The following MIOS variants were observed in gnomAD, a reference collection of about 807,000 sequenced individuals.
MIOS encodes the protein meiosis regulator for oocyte development.
Under a neutral mutation model 96.9 loss-of-function variants are expected in MIOS, and 52 were observed. The ratio of observed to expected loss-of-function variants is 0.54; its 90% CI spans 0.43 to 0.68. The LOEUF (loss-of-function observed/expected upper bound fraction) is 0.68. MIOS is among the 30% of genes least tolerant of loss of function. The pLI is 0.00. For missense variants in MIOS, 1,005 were observed against 1,052.8 expected, an observed-to-expected ratio of 0.95 and a Z score of 0.63; for synonymous variants, 397 against 359.5, an observed-to-expected ratio of 1.10 and a Z score of -1.18.
chr7:7,594,564 A>G (rs1005938611), intron 9 of MIOS, among the ~76,000 whole-genome samples: 42 of 152,150 alleles, frequency 2.8e-4, no homozygotes, highest in African/African-American at 9.4e-4. Flanking sequence ...CAAAGTGCTG[A>G]GATTACAGGC....
chr7:7,575,106 C>A (rs1018771694), intron 5 of MIOS, among the ~76,000 whole-genome samples: 1 of 151,988 alleles, frequency 6.6e-6, no homozygotes, highest in Non-Finnish European at 1.5e-5. Context: ...ATCTAGGATT[C>A]GTTCTCTAAC....
intron 11 of MIOS, among the ~76,000 whole-genome samples, chr7:7,604,539 C>G (rs1430255761): frequency 2.0e-5 from 3 of 152,156 alleles, no homozygotes; most frequent in Non-Finnish European, 2.9e-5. Flanking sequence ...CAGAATTTAA[C>G]TTCTGGACAA....
chr7:7,596,222 C>T (rs759868921), intron 10 of MIOS, 35 bp from the exon 11 acceptor site: 2 of 1,576,740 alleles, frequency 1.3e-6, no homozygotes, highest in African/African-American at 1.3e-5. Context: ...TTATGGTTTG[C>T]ATTACATTTA....
intron 5 of MIOS, among the ~76,000 whole-genome samples, chr7:7,582,032 G>C (rs1017703182): frequency 1.2e-4 from 18 of 152,050 alleles, no homozygotes; most frequent in Admixed American, 4.6e-4. Context: ...GGGCGGGCCA[G>C]GACAGGAATG....
chr7:7,585,506 A>G (rs1463066221), intron 6 of MIOS, 130 bp from the exon 7 acceptor site: 1 of 687,382 alleles, frequency 1.5e-6, no homozygotes, highest in Non-Finnish European at 2.2e-6. Flanking sequence ...GCAGCCCAAA[A>G]CCCTTATTCT....
rs145016891 is a variant in MIOS at position 7,601,106 on chromosome 7, G to A, written c.2401+4645G>A. Among the ~76,000 whole-genome samples, 1,398 of 152,166 alleles carry A rather than the reference G, an allele frequency of 9.2e-3. 30 individuals carry two copies. Among genetic ancestry groups the A allele is most frequent in the African/African-American group, 0.032 (1,342 of 41,512 alleles). ...AATTTATAGCACTAAATGCCCACGA[G>A]AGTAAGCAGGAAAGATCTAAAATTG... On this transcript the variant is annotated intron_variant, in intron 11 of 12. Coordinates refer to ENST00000340080, the MANE Select transcript of MIOS (RefSeq NM_019005.4).
In MIOS at chr7:7,583,275, A is replaced by C. The variant is rs550535942; in HGVS notation, c.1551A>C (p.Gln517His). 1.2e-6 allele frequency: 2 copies of C among 1,614,034 alleles called. No homozygotes were observed. The highest frequency in any genetic ancestry group is 2.7e-5 in the African/African-American group (2 of 74,946). The change falls in exon 6 of 13, where the codon CAA (glutamine) becomes CAC (histidine). Residue 517 changes from glutamine (Q) to histidine (H), a missense_variant. Gln to His is a conservative substitution (Grantham distance 24). Transcript: ENST00000340080. ...DVGPFLNSLV[Q>H]EGEWERAAAV... is the part of the protein sequence containing the mutation. ...GGCCATTTTTGAACTCCCTTGTACAAGAAGGGGAATGGGAAAGAGCTGCTG... is the reference window on the plus strand; with the variant it reads ...GGCCATTTTTGAACTCCCTTGTACACGAAGGGGAATGGGAAAGAGCTGCTG...
intron 11 of MIOS, 127 bp downstream of exon 11, chr7:7,596,588 G>A (rs1183235717): frequency 2.3e-6 from 2 of 872,676 alleles, no homozygotes; most frequent in East Asian, 5.2e-5. Flanking sequence ...TTACTAGCTT[G>A]AAGGCTTTTA....
At chr7:7,576,347 C>G (rs1490496141) in intron 5 of MIOS, among the ~76,000 whole-genome samples, 1 of 152,156 alleles carries the variant, frequency 6.6e-6, no homozygotes, top group Non-Finnish European at 1.5e-5. Context: ...CATCCCTGCT[C>G]TTGAGGAGTT....
chr7:7,567,146 C>T (rs1563006654), intron 1 of MIOS, 74 bp downstream of exon 1: 1 of 152,158 alleles, frequency 6.6e-6, no homozygotes, highest in African/African-American at 2.4e-5. Context: ...CGGAGATAGC[C>T]TAGTTGAAAG....
intron 9 of MIOS, among the ~76,000 whole-genome samples, chr7:7,593,879 C>CAAAAAAAAAAAAAAAAAAAAAAAAA (rs35986278): frequency 2.1e-5 from 1 of 47,862 alleles, no homozygotes; most frequent in African/African-American, 6.6e-5. Context: ...ACTCTGTCTC[C>CAAAAAAAAAAAAAAAAAAAAAAAAA]AAAAAAAAAA....
chr7:7,577,943 G>A (rs149086685), intron 5 of MIOS, among the ~76,000 whole-genome samples: 4 of 152,252 alleles, frequency 2.6e-5, no homozygotes, highest in African/African-American at 9.6e-5. Context: ...CTTGACCCTT[G>A]GGATCTTATT....
chr7:7,574,378 A>G (rs1783458568), intron 5 of MIOS, among the ~76,000 whole-genome samples, 182 bp downstream of exon 5: 1 of 152,134 alleles, frequency 6.6e-6, no homozygotes. Flanking sequence ...TTATATCCAA[A>G]ACCCTTTTTG....
At chr7:7,606,935 ATAAAT>A (rs2115518873) in intron 12 of MIOS, 56 bp from the exon 13 acceptor site, 1 of 1,269,690 alleles carries the variant, frequency 7.9e-7, no homozygotes, top group Non-Finnish European at 1.1e-6. Flanking sequence ...AAATAAATAA[ATAAAT>A]AAATGTATGT....
intron 11 of MIOS, among the ~76,000 whole-genome samples, chr7:7,601,491 G>C (rs1374216920): frequency 1.3e-5 from 2 of 151,950 alleles, no homozygotes; most frequent in Non-Finnish European, 2.9e-5. Context: ...ATAAATTCCT[G>C]GACACATACA....
intron 11 of MIOS, among the ~76,000 whole-genome samples, chr7:7,597,728 T>A (rs938605102): frequency 1.3e-5 from 2 of 151,790 alleles, no homozygotes; most frequent in Non-Finnish European, 2.9e-5. Flanking sequence ...AGACAGGATC[T>A]CACTCTGTCA....
At chr7:7,606,819 T>C (rs766364525) in intron 12 of MIOS, among the ~76,000 whole-genome samples, 177 bp from the exon 13 acceptor site, 3 of 152,154 alleles carry the variant, frequency 2.0e-5, no homozygotes, top group East Asian at 3.8e-4. Context: ...GGCACAGTGG[T>C]GCACACCTGT....
chr7:7,585,696 C>G lies in MIOS; in HGVS notation c.1709C>G (p.Ser570Cys). The change falls in exon 7 of 13, where the codon TCC (serine) becomes TGC (cysteine). Residue 570 changes from serine (S) to cysteine (C), a missense_variant. Physicochemically the swap from Ser to Cys is moderately radical, Grantham distance 112. Transcript: ENST00000340080. ...TCGGGTTATACGGATGAGAAGAACTCCCTTTGGAGAGAAATGTGTAGCACA... is the reference window on the plus strand; with the variant it reads ...TCGGGTTATACGGATGAGAAGAACTGCCTTTGGAGAGAAATGTGTAGCACA... The part of the protein sequence containing the change: ...ALSGYTDEKN[S>C]LWREMCSTLR... 3 of 1,610,398 alleles carry G rather than the reference C, an allele frequency of 1.9e-6. No individual in the cohort carries two copies. The highest frequency in any genetic ancestry group is 2.5e-6 in the Non-Finnish European group (3 of 1,178,332).
rs992814157 is a variant in MIOS, at chr7:7,608,536, T to C, written c.*1444T>C. On this transcript the variant is annotated 3_prime_UTR_variant, in exon 13 of 13. Transcript: ENST00000340080. ...AATGTCTCACCTGCATGACAGTCTT[T>C]TCAAATGAAAGACATGGTAATTGCA... is the stretch of plus-strand genomic sequence containing the variant. 2.0e-5 allele frequency: 3 copies of C among 148,032 alleles called. No homozygotes were observed. In the Admixed American group the frequency reaches 2.0e-4, roughly 10 times the overall value. The allele number at this position is 148,032 out of a possible 1,614,324, so 9.2% of individuals were successfully genotyped here.
Sources: allele counts gnomAD v4.1 joint callset (sites outside exome capture counted in the v4.1 genomes callset), GRCh38; gene constraint gnomAD v4.1.1; transcripts MANE v1.5; gene names NCBI Gene and HGNC (gene_info 2026-07-23, HGNC 2026-07-21).